The following PLA2G6 variants were observed in gnomAD, a reference collection of about 807,000 sequenced individuals.
The protein encoded by PLA2G6 is 85/88 kDa calcium-independent phospholipase A2.
Under a neutral mutation model 83.8 loss-of-function variants are expected in PLA2G6, and 62 were observed. The ratio of observed to expected loss-of-function variants is 0.74; its 90% CI spans 0.60 to 0.91. The LOEUF (loss-of-function observed/expected upper bound fraction) is 0.91. Ranked by LOEUF, PLA2G6 falls within the 40% of genes least tolerant of loss-of-function variation. The probability of loss-of-function intolerance (pLI) is 0.00; values close to 1 mark genes in which losing one functional copy is unlikely to be tolerated. For missense variants in PLA2G6, 944 were observed against 1,102.0 expected (o/e 0.86, Z 2.03); for synonymous variants, 417 against 449.8 (o/e 0.93, Z 0.92).
intron 1 of PLA2G6, among the ~76,000 whole-genome samples, chr22:38,181,395 T>C (rs185021286): frequency 1.3e-5 from 2 of 151,938 alleles, no homozygotes; most frequent in Non-Finnish European, 2.9e-5. Context: ...GAAGGAAAAT[T>C]AGGACGGCCA....
intron 2 of PLA2G6, chr22:38,146,039 A>AT (rs5845374): frequency 0.35 from 80,095 of 225,800 alleles, 11,584 homozygotes; most frequent in African/African-American, 0.5. Context: ...TGCCCAGCTA[A>AT]TTTTTTTTTT....
At chr22:38,112,910 T>A in intron 15 of PLA2G6, 1 of 468,082 alleles carries the variant, frequency 2.1e-6, no homozygotes. Flanking sequence ...TCTCTCTCTT[T>A]CTTTCTTTCT....
At chr22:38,142,490 G>A (rs1226077177) in intron 4 of PLA2G6, 1 of 158,986 alleles carries the variant, frequency 6.3e-6, no homozygotes, top group East Asian at 1.9e-4. Flanking sequence ...GAGACAGTTT[G>A]GTTTGCTTGG....
At chr22:38,168,932 C>T (rs1453507518) in intron 2 of PLA2G6, among the ~76,000 whole-genome samples, 1 of 152,338 alleles carries the variant, frequency 6.6e-6, no homozygotes, top group South Asian at 2.1e-4. Flanking sequence ...CACTCTCAGT[C>T]TCCCTGTCCT....
chr22:38,179,742 C>G (rs1486494694), intron 1 of PLA2G6, among the ~76,000 whole-genome samples: 2 of 152,096 alleles, frequency 1.3e-5, no homozygotes, highest in Non-Finnish European at 2.9e-5. Flanking sequence ...CATTGCATTC[C>G]AGCCTGGGTG....
chr22:38,156,876 C>T (rs953639586), intron 2 of PLA2G6, among the ~76,000 whole-genome samples: 1 of 152,152 alleles, frequency 6.6e-6, no homozygotes, highest in Non-Finnish European at 1.5e-5. Context: ...ATAATATGCT[C>T]TTGAATGGTC....
intron 2 of PLA2G6, among the ~76,000 whole-genome samples, chr22:38,151,797 G>C (rs2089574294): frequency 6.6e-6 from 1 of 152,180 alleles, no homozygotes; most frequent in African/African-American, 2.4e-5. Flanking sequence ...CTTGAGTAAG[G>C]CAGAGATAAA....
Position 38,128,550 on chromosome 22 carries a change from T to C in PLA2G6, c.1187-120A>G, listed in dbSNP as rs2145749083. 4 of 1,123,452 alleles carry C rather than the reference T, an allele frequency of 3.6e-6. No individual in the cohort carries two copies. The highest frequency in any genetic ancestry group is 5.2e-6 in the Non-Finnish European group (4 of 774,246). The allele number at this position is 1,123,452 out of a possible 1,614,324, so 69.6% of individuals were successfully genotyped here. ...TCCCAGCTCCCAGGCCCTGGGCACG[T>C]GGGCTGCTCCAGAGGCCTCAGCCCA... On this transcript the variant is annotated intron_variant, in intron 8 of 16. Transcript: ENST00000332509. This position sits in a 1 kb window ranked among gnomAD's most constrained non-coding sequence, Gnocchi z 4.4.
chr22:38,142,816 G>A (rs1051450956), intron 4 of PLA2G6: 13 of 455,618 alleles, frequency 2.9e-5, no homozygotes, highest in Admixed American at 1.0e-4. Context: ...CAGGAAAAGT[G>A]GAACTGAACT....
At chr22:38,178,924 C>T (rs1461603573) in intron 1 of PLA2G6, among the ~76,000 whole-genome samples, 3 of 152,050 alleles carry the variant, frequency 2.0e-5, no homozygotes, top group African/African-American at 7.2e-5. Context: ...CATCCTGGAA[C>T]TTATATTTTA....
Position 38,173,137 on chromosome 22 carries a change from G to A in PLA2G6, c.-45-3666C>T, listed in dbSNP as rs114548392. Among the ~76,000 whole-genome samples the A allele has an allele frequency of 4.1e-3, 625 of 152,308 alleles. 3 individuals carry two copies. Among genetic ancestry groups the A allele is most frequent in the African/African-American group, 0.014 (602 of 41,564 alleles). The stretch of plus-strand genomic sequence containing the variant: ...AAAGTGCTCACACGTGCTTCCTTCT[G>A]TCCCTGCCACCTTGGACCCTGGAGC... On this transcript the variant is annotated intron_variant, in intron 1 of 16. Coordinates refer to ENST00000332509, the MANE Select transcript of PLA2G6 (RefSeq NM_003560.4).
At position 38,180,140 on chromosome 22, in the gene PLA2G6, G is replaced by GACACACAC. The variant is rs133028; in HGVS notation, c.-46+1516_-46+1523dup. Among the ~76,000 whole-genome samples the GACACACAC allele has an allele frequency of 5.9e-3, 820 of 137,904 alleles. 4 individuals carry two copies. The highest frequency in any genetic ancestry group is 0.013 in the South Asian group (55 of 4,162). 90.5% of individuals were successfully genotyped at this position (137,904 alleles called of 152,430 possible). A position where few individuals can be genotyped will look rare whatever the true frequency, so the allele number is the denominator to read the frequency against. On this transcript the variant is annotated intron_variant, in intron 1 of 16. Transcript: ENST00000332509. ...CACACACACCCAATAGATGTCTGCAGACACACACACACACACACACACACA... is the reference window on the plus strand; with the variant it reads ...CACACACACCCAATAGATGTCTGCAGACACACACACACACACACACACACACACACACA...
Position 38,111,948 on chromosome 22 carries a change from G to A in PLA2G6, c.*213C>T. The A allele has an allele frequency of 1.6e-6, 1 of 615,532 alleles. No homozygotes were observed. Among genetic ancestry groups the A allele is most frequent in the Middle Eastern group, 4.3e-4 (1 of 2,312 alleles). The allele number at this position is 615,532 out of a possible 1,614,324, so 38.1% of individuals were successfully genotyped here. On this transcript the variant is annotated 3_prime_UTR_variant, in exon 17 of 17. Coordinates refer to ENST00000332509, the MANE Select transcript of PLA2G6 (RefSeq NM_003560.4). ...CCAAAGGGGGCTCTAGACTTTCCCA[G>A]CCTGGAATGACAGAAAGTGCTGGAA...
At chr22:38,157,137 GA>G (rs1474432927) in intron 2 of PLA2G6, among the ~76,000 whole-genome samples, 1 of 151,938 alleles carries the variant, frequency 6.6e-6, no homozygotes, top group Non-Finnish European at 1.5e-5. Flanking sequence ...AGAAATAAAT[GA>G]AATTGAAACA....
intron 9 of PLA2G6, chr22:38,127,529 G>T: frequency 1.9e-6 from 2 of 1,046,436 alleles, no homozygotes; most frequent in Non-Finnish European, 2.7e-6. Flanking sequence ...GGTGGAGCCA[G>T]GACTAGAAGC....
rs569311789 is a variant in PLA2G6 at position 38,172,718 on chromosome 22, G to A, written c.-45-3247C>T. 2.4e-3 allele frequency among the ~76,000 whole-genome samples: 372 copies of A among 152,332 alleles called. 3 individuals carry two copies. The highest frequency in any genetic ancestry group is 8.4e-3 in the African/African-American group (349 of 41,584). On this transcript the variant is annotated intron_variant, in intron 1 of 16. Coordinates refer to ENST00000332509, the MANE Select transcript of PLA2G6 (RefSeq NM_003560.4). ...GACGCGGAGGGGTGCGCCCAGGAAG[G>A]GCAGAGAGTCAAGAGCATCCAGCAC...
At chr22:38,158,076 C>T (rs116026219) in intron 2 of PLA2G6, among the ~76,000 whole-genome samples, 2,164 of 151,932 alleles carry the variant, frequency 0.014, 60 homozygotes, top group African/African-American at 0.049. Context: ...CTGATACAGG[C>T]TCCTCTGTCA....
intron 2 of PLA2G6, among the ~76,000 whole-genome samples, chr22:38,151,501 A>G (rs2089558796): frequency 1.3e-5 from 2 of 152,176 alleles, no homozygotes. Flanking sequence ...TAGGCTTCCC[A>G]AAGTGCTGGG....
intron 12 of PLA2G6, among the ~76,000 whole-genome samples, chr22:38,120,063 T>A (rs966564693): frequency 7.8e-4 from 118 of 152,220 alleles, no homozygotes; most frequent in African/African-American, 2.6e-3. Context: ...TGGGGGACAC[T>A]CACTTTCAAA....
Sources: allele counts gnomAD v4.1 joint callset (sites outside exome capture counted in the v4.1 genomes callset), GRCh38; gene constraint gnomAD v4.1.1; non-coding constraint Gnocchi (gnomAD v3.1); transcripts MANE v1.5; gene names NCBI Gene and HGNC (gene_info 2026-07-23, HGNC 2026-07-21).